Variants in PCSK6 observed in about 807,000 individuals in gnomAD.
The protein encoded by PCSK6 is paired basic amino acid cleaving enzyme 4.
PCSK6 carries 85 observed loss-of-function variants against 123.3 expected under a neutral mutation model. The ratio of observed to expected loss-of-function variants is 0.69; its 90% CI spans 0.58 to 0.83. The LOEUF (loss-of-function observed/expected upper bound fraction) is 0.83, where lower values mean the gene tolerates loss of function less well. Among genes scored for constraint, PCSK6 ranks in the 40% least tolerant of loss-of-function variants. PCSK6 has a pLI of 0.00. For synonymous variants in PCSK6, 508 were observed against 516.0 expected, an observed-to-expected ratio of 0.98 and a Z score of 0.21; for missense variants, 1,191 against 1,282.3, an observed-to-expected ratio of 0.93 and a Z score of 1.09.
At chr15:101,429,876 A>G in intron 5 of PCSK6, 111 bp downstream of exon 5, 1 of 905,274 alleles carries the variant, frequency 1.1e-6, no homozygotes, top group Non-Finnish European at 1.8e-6. Context: ...GCGCCCAGGC[A>G]GGGAAGATAC....
rs1363673549 is a variant in PCSK6, at chr15:101,370,461, G to A, written c.1595C>T (p.Ser532Leu). Residue 532 changes from serine (S) to leucine (L), a missense_variant, in exon 12 of 22, where the codon TCG (serine) becomes TTG (leucine). By Grantham distance (145) the Ser-to-Leu change is moderately radical. Coordinates refer to ENST00000611716, the MANE Select transcript of PCSK6 (RefSeq NM_002570.5). ...CTCCAAGTAGACCACCCGCTGGTCC[G>A]AGTGCTCCGCGCAGGCGCTGGTCAG... ...TALTSACAEHSDQRVVYLEHV... is the reference protein window; with the variant it reads ...TALTSACAEHLDQRVVYLEHV... The A allele has an allele frequency of 2.3e-5, 35 of 1,550,288 alleles. No homozygotes were observed. The highest frequency in any genetic ancestry group is 7.9e-5 in the Admixed American group (4 of 50,832).
intron 11 of PCSK6, among the ~76,000 whole-genome samples, chr15:101,381,362 C>CTCAA (rs201058324): frequency 0.018 from 2,692 of 151,946 alleles, 83 homozygotes; most frequent in African/African-American, 0.061. Context: ...AAAACTCGGT[C>CTCAA]TCAATCAATC....
intron 1 of PCSK6, among the ~76,000 whole-genome samples, chr15:101,476,536 C>A (rs200718565): frequency 1.6e-5 from 2 of 127,280 alleles, no homozygotes; most frequent in South Asian, 2.6e-4. Context: ...AAAAAAAAAA[C>A]ATGTTTAGTG....
At chr15:101,478,960 C>A (rs2057800700) in intron 1 of PCSK6, among the ~76,000 whole-genome samples, 1 of 152,238 alleles carries the variant, frequency 6.6e-6, no homozygotes, top group Non-Finnish European at 1.5e-5. Context: ...TGAATGGAAT[C>A]AGGACATCAC....
At chr15:101,406,004 A>C (rs893445891) in intron 6 of PCSK6, among the ~76,000 whole-genome samples, 4 of 152,152 alleles carry the variant, frequency 2.6e-5, no homozygotes, top group Non-Finnish European at 4.4e-5. Context: ...CGGCCTCCCA[A>C]AGTGCTGGGA....
chr15:101,305,006 CA>C lies in PCSK6; in HGVS notation c.*251del, dbSNP rs763160359. 31 of 481,988 alleles carry C rather than the reference CA, an allele frequency of 6.4e-5. No homozygotes were observed. Among genetic ancestry groups the C allele is most frequent in the Non-Finnish European group, 9.6e-5 (26 of 269,536 alleles). The allele number at this position is 481,988 out of a possible 1,614,324, so 29.9% of individuals were successfully genotyped here. ...GCCAGAGCTGTGGATTCCCAGAATT[CA>C]TTTTGTTCCTGTTAGTTTGTCGGAA... On this transcript the variant is annotated 3_prime_UTR_variant, in exon 22 of 22. Coordinates refer to ENST00000611716, the MANE Select transcript of PCSK6 (RefSeq NM_002570.5). This position sits in a 1 kb window ranked among gnomAD's most constrained non-coding sequence, Gnocchi z 4.8.
Position 101,386,117 on chromosome 15 carries a change from C to T in PCSK6, c.1311-1692G>A, listed in dbSNP as rs137999542. On this transcript the variant is annotated intron_variant, in intron 9 of 21. Transcript: ENST00000611716. ...TCTCGGTGCACGTTTACTAGGAACG[C>T]ACACCGTGCTCTCGGTGCGTGTTTA... Among the ~76,000 whole-genome samples the T allele has an allele frequency of 1.7e-3, 263 of 152,140 alleles. 1 individual carries two copies. Among genetic ancestry groups the T allele is most frequent in the African/African-American group, 6.0e-3 (250 of 41,476 alleles).
intron 18 of PCSK6, among the ~76,000 whole-genome samples, chr15:101,320,213 G>A (rs190085836): frequency 2.6e-5 from 4 of 152,284 alleles, no homozygotes; most frequent in Admixed American, 2.6e-4. Context: ...AGCCTCCCGA[G>A]TAGCTGAGAT....
At position 101,489,688 on chromosome 15, in the gene PCSK6, G is replaced by T. The variant is rs1249010195; in HGVS notation, c.-18C>A. 4 of 970,050 alleles carry T rather than the reference G, an allele frequency of 4.1e-6. No homozygotes were observed. Among genetic ancestry groups the T allele is most frequent in the Non-Finnish European group, 4.9e-6 (4 of 818,970 alleles). The allele number at this position is 970,050 out of a possible 1,614,324, so 60.1% of individuals were successfully genotyped here. A position where few individuals can be genotyped will look rare whatever the true frequency, so the allele number is the denominator to read the frequency against. On this transcript the variant is annotated 5_prime_UTR_variant, in exon 1 of 22. Transcript: ENST00000611716. The stretch of plus-strand genomic sequence containing the variant: ...GGAGGCATAGCGGCGACAGGCTCGC[G>T]CGGCGCCCGAGCTGCGAGTGCGCCG...
chr15:101,487,565 C>T (rs1261559061), intron 1 of PCSK6, among the ~76,000 whole-genome samples: 3 of 151,970 alleles, frequency 2.0e-5, no homozygotes. Flanking sequence ...CTGCCTCTCT[C>T]TTGCAGTGTG....
chr15:101,419,119 AAG>A (rs1005652555), intron 6 of PCSK6, among the ~76,000 whole-genome samples: 3 of 152,142 alleles, frequency 2.0e-5, no homozygotes, highest in African/African-American at 7.2e-5. Context: ...AGGCAAGAAA[AAG>A]AGAGTTATTA....
At chr15:101,433,306 C>T (rs951421295) in intron 2 of PCSK6, among the ~76,000 whole-genome samples, 2 of 152,204 alleles carry the variant, frequency 1.3e-5, no homozygotes, top group Admixed American at 6.5e-5. Flanking sequence ...CTTATCATCC[C>T]GTGTACACAT....
intron 1 of PCSK6, among the ~76,000 whole-genome samples, chr15:101,470,354 T>G (rs545763227): frequency 1.3e-5 from 2 of 152,350 alleles, no homozygotes; most frequent in African/African-American, 4.8e-5. Context: ...TAACACTTTC[T>G]CCTTTTCATT....
At chr15:101,436,289 A>C (rs891399680) in intron 2 of PCSK6, among the ~76,000 whole-genome samples, 1 of 152,132 alleles carries the variant, frequency 6.6e-6, no homozygotes, top group Non-Finnish European at 1.5e-5. Context: ...ACCCTCCCCC[A>C]GCGGTCCAGG....
At chr15:101,389,353 T>C in intron 9 of PCSK6, 111 bp downstream of exon 9, 1 of 809,670 alleles carries the variant, frequency 1.2e-6, no homozygotes, top group South Asian at 1.5e-5. Context: ...CTGAATGTGC[T>C]TAATGCCGCT....
At chr15:101,420,276 G>T (rs185618326) in intron 6 of PCSK6, among the ~76,000 whole-genome samples, 1 of 150,018 alleles carries the variant, frequency 6.7e-6, no homozygotes, top group African/African-American at 2.4e-5. Flanking sequence ...AGTTTTTAGA[G>T]GAAATACAAA....
At chr15:101,378,509 G>C (rs558750918) in intron 11 of PCSK6, among the ~76,000 whole-genome samples, 1 of 152,228 alleles carries the variant, frequency 6.6e-6, no homozygotes, top group African/African-American at 2.4e-5. Flanking sequence ...GCCCTACCCC[G>C]TGTGGGCTCC....
At chr15:101,319,540 G>T (rs1033794485) in intron 18 of PCSK6, among the ~76,000 whole-genome samples, 6 of 152,244 alleles carry the variant, frequency 3.9e-5, no homozygotes, top group African/African-American at 1.2e-4. Context: ...GGGGCTGGCT[G>T]CCAGGGAACC....
At chr15:101,364,845 CA>C (rs1343932988) in intron 13 of PCSK6, 8 of 561,952 alleles carry the variant, frequency 1.4e-5, no homozygotes, top group Non-Finnish European at 2.3e-5. Context: ...CCAAAATAGC[CA>C]AAACAATCTT....
Sources: allele counts gnomAD v4.1 joint callset (sites outside exome capture counted in the v4.1 genomes callset), GRCh38; gene constraint gnomAD v4.1.1; non-coding constraint Gnocchi (gnomAD v3.1); transcripts MANE v1.5; gene names NCBI Gene and HGNC (gene_info 2026-07-23, HGNC 2026-07-21).